The following DLG5 variants were observed in gnomAD, a reference collection of about 807,000 sequenced individuals.
DLG5 encodes the protein discs large MAGUK scaffold protein 5.
Under a neutral mutation model 189.8 loss-of-function variants are expected in DLG5, and 48 were observed. The observed-to-expected ratio is 0.25, with a 90% CI of 0.20 to 0.32. The LOEUF is 0.32. Ranked by LOEUF, DLG5 falls within the 10% of genes least tolerant of loss-of-function variation. The pLI, the probability that DLG5 is intolerant of heterozygous loss-of-function variation, is 1.00. For synonymous variants in DLG5, 1,016 were observed against 1,054.1 expected (o/e 0.96, Z 0.70); for missense variants, 2,160 against 2,544.7 (o/e 0.85, Z 3.25).
At chr10:77,911,361 T>C (rs899158129) in intron 1 of DLG5, among the ~76,000 whole-genome samples, 15 of 152,196 alleles carry the variant, frequency 9.9e-5, no homozygotes, top group African/African-American at 3.4e-4. Flanking sequence ...GCTCAAGCAA[T>C]CCGCCTGCCT....
At chr10:77,870,319 T>C (rs1182764319) in intron 1 of DLG5, among the ~76,000 whole-genome samples, 1 of 152,224 alleles carries the variant, frequency 6.6e-6, no homozygotes, top group African/African-American at 2.4e-5. Context: ...CTTAGGGCTC[T>C]GGCATCAGAA....
chr10:77,876,124 C>T lies in DLG5; in HGVS notation c.305-6927G>A, dbSNP rs900191580. ...TTTGTTTTCCTCAACTGAGATAATG[C>T]TATAGTATTTTCCACCAAGTTTTGG... On this transcript the variant is annotated intron_variant, in intron 1 of 31. Transcript: ENST00000372391. 5.9e-5 allele frequency among the ~76,000 whole-genome samples: 9 copies of T among 151,916 alleles called. 1 individual carries two copies. Among genetic ancestry groups the T allele is most frequent in the Admixed American group, 5.2e-4 (8 of 15,270 alleles).
chr10:77,880,146 A>T (rs1454745627), intron 1 of DLG5, among the ~76,000 whole-genome samples: 3 of 152,082 alleles, frequency 2.0e-5, no homozygotes, highest in African/African-American at 7.2e-5. Flanking sequence ...GGGAGAGTCG[A>T]CCACACAAGT....
At chr10:77,823,558 T>C (rs1842471534) in intron 14 of DLG5, among the ~76,000 whole-genome samples, 1 of 149,570 alleles carries the variant, frequency 6.7e-6, no homozygotes, top group Non-Finnish European at 1.5e-5. Context: ...GAGACAGAGG[T>C]TCGCTCTTAT....
At chr10:77,838,884 G>A (rs1460441789) in intron 7 of DLG5, among the ~76,000 whole-genome samples, 1 of 152,252 alleles carries the variant, frequency 6.6e-6, no homozygotes, top group Admixed American at 6.5e-5. Flanking sequence ...ACTTGAGAAG[G>A]AGCTGAGGAT....
intron 1 of DLG5, among the ~76,000 whole-genome samples, chr10:77,893,920 C>T (rs1487511048): frequency 6.6e-6 from 1 of 152,180 alleles, no homozygotes. Context: ...CTACCCGGCG[C>T]GTGGCCCGCA....
intron 24 of DLG5, among the ~76,000 whole-genome samples, chr10:77,808,897 C>T (rs1054370982): frequency 2.0e-5 from 3 of 152,100 alleles, no homozygotes; most frequent in African/African-American, 7.2e-5. Context: ...GAGTTTGAGA[C>T]CAGCCTGGCC....
At chr10:77,848,598 C>T (rs951727221) in intron 5 of DLG5, among the ~76,000 whole-genome samples, 1 of 151,686 alleles carries the variant, frequency 6.6e-6, no homozygotes, top group Non-Finnish European at 1.5e-5. Flanking sequence ...ACCACCAAGA[C>T]GCTCCACACA....
At chr10:77,885,984 A>G (rs1453431666) in intron 1 of DLG5, among the ~76,000 whole-genome samples, 1 of 152,228 alleles carries the variant, frequency 6.6e-6, no homozygotes, top group Non-Finnish European at 1.5e-5. Context: ...AGGTCCCCCC[A>G]GATAAGCACC....
rs1843537810 is a variant in DLG5 at position 77,843,621 on chromosome 10, T to C, written c.950A>G (p.Tyr317Cys). The change falls in exon 6 of 32, where the codon TAT becomes TGT. Residue 317 changes from tyrosine (Y) to cysteine (C), a missense_variant. This residue lies in a region of DLG5 where 664 missense variants were observed against 838.5 expected (regional missense o/e 0.79). Transcript: ENST00000372391. ...ACTGTACCTCTTCCGAAGGGCGTCATAGTCCTTCTTGACCACCTCCAACTT... is the reference window on the plus strand; with the variant it reads ...ACTGTACCTCTTCCGAAGGGCGTCACAGTCCTTCTTGACCACCTCCAACTT... ...MDKLEVVKKD[Y>C]DALRKRYSEK... is the part of the protein sequence containing the mutation. 4.3e-6 allele frequency: 7 copies of C among 1,613,786 alleles called. No individual in the cohort carries two copies. Among genetic ancestry groups the C allele is most frequent in the South Asian group, 2.2e-5 (2 of 91,066 alleles).
At chr10:77,845,003 G>C (rs1843615830) in intron 5 of DLG5, among the ~76,000 whole-genome samples, 1 of 152,192 alleles carries the variant, frequency 6.6e-6, no homozygotes, top group Non-Finnish European at 1.5e-5. Flanking sequence ...AAGTGGGTGT[G>C]GGCATGGGGG....
At chr10:77,815,847 A>G (rs1183945356) in intron 20 of DLG5, among the ~76,000 whole-genome samples, 1 of 152,186 alleles carries the variant, frequency 6.6e-6, no homozygotes, top group Non-Finnish European at 1.5e-5. Context: ...TATAAACACA[A>G]TCTAGTAAGT....
At chr10:77,922,068 C>G (rs781327077) in intron 1 of DLG5, among the ~76,000 whole-genome samples, 7 of 152,186 alleles carry the variant, frequency 4.6e-5, no homozygotes, top group Non-Finnish European at 7.3e-5. Flanking sequence ...GTTGACCTGT[C>G]TCATAATGTC....
chr10:77,794,926 G>A lies in DLG5; in HGVS notation c.5469C>T (p.His1823=), dbSNP rs766445422. The A allele has an allele frequency of 4.0e-5, 65 of 1,613,848 alleles. No individual in the cohort carries two copies. The highest frequency in any genetic ancestry group is 1.5e-4 in the African/African-American group (11 of 74,932). Residue 1823 remains histidine, a synonymous_variant, in exon 30 of 32, where the codon CAC becomes CAT. Transcript: ENST00000372391. ...NRHCLLDIAP[H]AIERLHHMHI... ...GCATGTGGTGGAGCCGCTCAATAGC[G>A]TGCGGAGCAATGTCCAGGAGGCAGT...
Position 77,822,129 on chromosome 10 carries a change from G to C in DLG5, c.2383-28C>G, listed in dbSNP as rs199613297. The C allele has an allele frequency of 1.2e-5, 19 of 1,586,108 alleles. No individual in the cohort carries two copies. The African/African-American group carries it at 2.4e-4, about 20-fold the overall frequency. On this transcript the variant is annotated intron_variant, in intron 14 of 31. Coordinates refer to ENST00000372391, the MANE Select transcript of DLG5 (RefSeq NM_004747.4). ...AGGCAGGGATTGCAGAGGAGTGAGA[G>C]AGAGAGTGAGATGGCAGGACTTGGA...
At chr10:77,819,830 C>T in intron 16 of DLG5, 65 bp downstream of exon 16, 1 of 1,502,898 alleles carries the variant, frequency 6.7e-7, no homozygotes, top group Admixed American at 2.3e-5. Flanking sequence ...CTCCCCTCTC[C>T]CTGGAGACTA....
intron 1 of DLG5, among the ~76,000 whole-genome samples, chr10:77,924,925 A>G (rs1348873473): frequency 2.0e-5 from 3 of 152,200 alleles, no homozygotes; most frequent in Non-Finnish European, 4.4e-5. Context: ...TTATAAAATC[A>G]TTCCCTTAAT....
In DLG5 at chr10:77,822,163, T is replaced by C. The variant is rs1842403311; in HGVS notation, c.2383-62A>G. 1.2e-5 allele frequency: 19 copies of C among 1,544,210 alleles called. No homozygotes were observed. In the South Asian group the frequency reaches 2.1e-4, roughly 17 times the overall value. ...AGATGGCAGGACTTGGAGCTGCCAC[T>C]GAAAACCATCCCCAGAGGTAAAGCA... On this transcript the variant is annotated intron_variant, in intron 14 of 31. Transcript: ENST00000372391.
At chr10:77,876,170 T>TAA (rs555146576) in intron 1 of DLG5, among the ~76,000 whole-genome samples, 5 of 143,696 alleles carry the variant, frequency 3.5e-5, no homozygotes, top group African/African-American at 1.0e-4. Flanking sequence ...ATCACTGCGC[T>TAA]AAAAAAAAAA....
Sources: allele counts gnomAD v4.1 joint callset (sites outside exome capture counted in the v4.1 genomes callset), GRCh38; gene constraint gnomAD v4.1.1; regional missense constraint gnomAD v4.1.1; transcripts MANE v1.5; gene names NCBI Gene and HGNC (gene_info 2026-07-23, HGNC 2026-07-21).